The following NKD1 variants were observed in gnomAD, a reference collection of about 807,000 sequenced individuals.
NKD1 encodes NKD inhibitor of Wnt signaling pathway 1.
Under a neutral mutation model 56.0 loss-of-function variants are expected in NKD1, and 21 were observed. That is an observed-to-expected ratio of 0.38 (90% CI 0.27 to 0.54). NKD1 has a LOEUF of 0.54. Ranked by LOEUF, NKD1 falls within the 20% of genes least tolerant of loss-of-function variation. The probability of loss-of-function intolerance (pLI) is 0.82; values close to 1 mark genes in which losing one functional copy is unlikely to be tolerated. For synonymous variants in NKD1, 263 were observed against 265.7 expected, an observed-to-expected ratio of 0.99 and a Z score of 0.10; for missense variants, 578 against 642.7, an observed-to-expected ratio of 0.90 and a Z score of 1.09.
chr16:50,558,047 C>T (rs908489794), intron 3 of NKD1: 4 of 152,274 alleles, frequency 2.6e-5, no homozygotes, highest in African/African-American at 4.8e-5. Context: ...TGCCACTCAA[C>T]CCCAGCCAAT....
intron 5 of NKD1, among the ~76,000 whole-genome samples, 187 bp downstream of exon 5, chr16:50,621,895 C>G (rs1962099994): frequency 6.6e-6 from 1 of 152,220 alleles, no homozygotes; most frequent in South Asian, 2.1e-4. Flanking sequence ...ACCCCAGGGA[C>G]TCACCGCTGC....
At chr16:50,575,085 G>T (rs1960963961) in intron 3 of NKD1, 2 of 983,576 alleles carry the variant, frequency 2.0e-6, no homozygotes, top group Non-Finnish European at 2.4e-6. Flanking sequence ...CATGACACCA[G>T]TAAGTAGGTG....
chr16:50,613,102 G>C (rs1316738130), intron 4 of NKD1, among the ~76,000 whole-genome samples: 1 of 152,126 alleles, frequency 6.6e-6, no homozygotes, highest in Non-Finnish European at 1.5e-5. Context: ...TTGGTTTCAG[G>C]AACTAAGGAT....
intron 3 of NKD1, among the ~76,000 whole-genome samples, chr16:50,592,242 G>A (rs983113044): frequency 2.6e-5 from 4 of 152,176 alleles, no homozygotes; most frequent in African/African-American, 9.7e-5. Flanking sequence ...CGCCGCCTGG[G>A]GGCTGCTGGA....
intron 3 of NKD1, among the ~76,000 whole-genome samples, chr16:50,585,505 A>G (rs913360446): frequency 6.6e-6 from 1 of 152,208 alleles, no homozygotes; most frequent in South Asian, 2.1e-4. Context: ...AGCAGGCCCG[A>G]TGGGGGACGT....
chr16:50,648,848 G>A lies in NKD1; in HGVS notation c.*15067G>A, dbSNP rs1321323712. The A allele has an allele frequency of 6.6e-6, 1 of 152,228 alleles. No individual in the cohort carries two copies. The highest frequency in any genetic ancestry group is 1.5e-5 in the Non-Finnish European group (1 of 68,046). The allele number at this position is 152,228 out of a possible 1,614,324, so 9.4% of individuals were successfully genotyped here. On this transcript the variant is annotated 3_prime_UTR_variant, in exon 10 of 10. Transcript: ENST00000268459. ...ATTTTGCTGCCTGGAAAGCAGATGTGATGGCTGGAATTCCAGTCACCATTT... is the reference window on the plus strand; with the variant it reads ...ATTTTGCTGCCTGGAAAGCAGATGTAATGGCTGGAATTCCAGTCACCATTT...
intron 3 of NKD1, among the ~76,000 whole-genome samples, chr16:50,605,265 G>T (rs186991711): frequency 6.6e-6 from 1 of 152,238 alleles, no homozygotes; most frequent in Non-Finnish European, 1.5e-5. Flanking sequence ...GGTAGATGAC[G>T]GGTGACTGTC....
At chr16:50,581,397 T>C (rs931719053) in intron 3 of NKD1, among the ~76,000 whole-genome samples, 2 of 152,236 alleles carry the variant, frequency 1.3e-5, no homozygotes, top group African/African-American at 4.8e-5. Context: ...TTTCCCAAGC[T>C]TCTCTGGCCA....
chr16:50,582,027 G>T (rs1424043306), intron 3 of NKD1, among the ~76,000 whole-genome samples: 1 of 152,132 alleles, frequency 6.6e-6, no homozygotes, highest in South Asian at 2.1e-4. Flanking sequence ...TGTAGTTCTT[G>T]CCCAGTAATG....
Position 50,642,060 on chromosome 16 carries a change from A to G in NKD1, c.*8279A>G, listed in dbSNP as rs2151283638. 1 of 152,288 alleles carries G rather than the reference A, an allele frequency of 6.6e-6. No homozygotes were observed. The highest frequency in any genetic ancestry group is 1.9e-4 in the East Asian group (1 of 5,178). 9.4% of individuals were successfully genotyped at this position (152,288 alleles called of 1,614,324 possible). A position where few individuals can be genotyped will look rare whatever the true frequency, so the allele number is the denominator to read the frequency against. On this transcript the variant is annotated 3_prime_UTR_variant, in exon 10 of 10. Coordinates refer to ENST00000268459, the MANE Select transcript of NKD1 (RefSeq NM_033119.5). ...GGCCCGCTTGGCTTCAGCTCCAGGG[A>G]CTTTGGAGATTTAAGCAAAGCAAGA...
intron 3 of NKD1, 79 bp from the exon 4 acceptor site, chr16:50,608,215 C>A: frequency 1.1e-6 from 1 of 940,788 alleles, no homozygotes; most frequent in Non-Finnish European, 1.8e-6. Flanking sequence ...AGCCCAGGGT[C>A]CTCATGGCAC....
At chr16:50,549,124 C>T (rs934491667) in intron 2 of NKD1, 1 of 157,834 alleles carries the variant, frequency 6.3e-6, no homozygotes, top group Non-Finnish European at 1.3e-5. Flanking sequence ...TCTCCTGACC[C>T]CCAGCCCTCT....
At chr16:50,574,984 C>G (rs918037143) in intron 3 of NKD1, 1 of 985,170 alleles carries the variant, frequency 1.0e-6, no homozygotes, top group African/African-American at 1.7e-5. Context: ...AAGCATAACC[C>G]TGGTGCTTCT....
At chr16:50,630,403 G>C in intron 7 of NKD1, 70 bp downstream of exon 7, 1 of 1,564,418 alleles carries the variant, frequency 6.4e-7, no homozygotes, top group South Asian at 1.2e-5. Context: ...GCCTTCCTGG[G>C]AGGGCCGGAA....
rs561588085 is a variant in NKD1 at position 50,560,046 on chromosome 16, T to A, written c.192+10491T>A. ...TGTGGTGCCATGCCCATTCCATGCC[T>A]GGTTTCCAGAGGGAGCCTTGTTCCA... is the stretch of plus-strand genomic sequence containing the variant. On this transcript the variant is annotated intron_variant, in intron 3 of 9. Coordinates refer to ENST00000268459, the MANE Select transcript of NKD1 (RefSeq NM_033119.5). Among the ~76,000 whole-genome samples, 3 of 152,312 alleles carry A rather than the reference T, an allele frequency of 2.0e-5. No individual in the cohort carries two copies. The South Asian group carries it at 6.2e-4, about 32-fold the overall frequency.
In NKD1 at chr16:50,633,224, C is replaced by A. The variant is rs1040310466; in HGVS notation, c.856C>A (p.Pro286Thr). Residue 286 changes from proline (P) to threonine (T), a missense_variant, in exon 10 of 10, where the codon CCC becomes ACC. Pro to Thr is a conservative substitution (Grantham distance 38, BLOSUM62 -1). Transcript: ENST00000268459. The surrounding 1 kb of genome is among the most constrained non-coding windows in gnomAD (Gnocchi z 4.9). ...TTCCGTGGCCCAGAAGTCAGAACTG[C>A]CCCCCCGCACCTCCAATCCCACTCG... ...SPSVAQKSEL[P>T]PRTSNPTRSR... 4.4e-6 allele frequency: 7 copies of A among 1,608,374 alleles called. No individual in the cohort carries two copies. The highest frequency in any genetic ancestry group is 1.7e-4 in the Middle Eastern group (1 of 6,024).
chr16:50,619,844 T>C (rs528016250), intron 4 of NKD1, among the ~76,000 whole-genome samples: 1 of 152,322 alleles, frequency 6.6e-6, no homozygotes, highest in East Asian at 1.9e-4. Flanking sequence ...AGATGACCAC[T>C]GCCCTGGCTG....
chr16:50,573,930 A>G (rs1385965811), intron 3 of NKD1: 1 of 985,314 alleles, frequency 1.0e-6, no homozygotes, highest in African/African-American at 1.7e-5. Flanking sequence ...TCTGGGGTGC[A>G]GCCCAGCAGT....
Position 50,642,723 on chromosome 16 carries a change from T to G in NKD1, c.*8942T>G, listed in dbSNP as rs1184105187. 1 of 152,196 alleles carries G rather than the reference T, an allele frequency of 6.6e-6. No homozygotes were observed. The allele number at this position is 152,196 out of a possible 1,614,324, so 9.4% of individuals were successfully genotyped here. On this transcript the variant is annotated 3_prime_UTR_variant, in exon 10 of 10. Coordinates refer to ENST00000268459, the MANE Select transcript of NKD1 (RefSeq NM_033119.5). ...TTAGGAGAATGTGACCCCAGAAGGCTCATGGGAAAGGAGGTGCAGTCCTGA... is the reference window on the plus strand; with the variant it reads ...TTAGGAGAATGTGACCCCAGAAGGCGCATGGGAAAGGAGGTGCAGTCCTGA...
Sources: gnomAD v4.1 joint callset for allele counts (sites outside exome capture counted in the v4.1 genomes callset) on GRCh38, gnomAD v4.1.1 for gene constraint, Gnocchi (gnomAD v3.1) non-coding constraint, MANE v1.5 for transcripts, NCBI Gene and HGNC (gene_info 2026-07-23, HGNC 2026-07-21) for gene names.